Variants in CFAP299 observed in about 807,000 individuals in gnomAD.
CFAP299 encodes the protein cilia- and flagella-associated protein 299.
CFAP299 carries 21 observed loss-of-function variants against 27.0 expected under a neutral mutation model. The observed-to-expected ratio is 0.78, with a 90% CI of 0.55 to 1.12. The LOEUF (loss-of-function observed/expected upper bound fraction) is 1.12, where lower values mean the gene tolerates loss of function less well. CFAP299 is among the 50% of genes most tolerant of loss of function. The probability of loss-of-function intolerance (pLI) is 0.00; values close to 1 mark genes in which losing one functional copy is unlikely to be tolerated. For synonymous variants in CFAP299, 104 were observed against 98.1 expected, an observed-to-expected ratio of 1.06 and a Z score of -0.36; for missense variants, 310 against 276.6, an observed-to-expected ratio of 1.12 and a Z score of -0.86.
intron 3 of CFAP299, among the ~76,000 whole-genome samples, chr4:80,624,912 G>A (rs1356322720): frequency 2.6e-5 from 4 of 152,036 alleles, no homozygotes; most frequent in Admixed American, 6.5e-5. Context: ...AAATGAAGGA[G>A]GAATAAAGAC....
chr4:80,755,799 A>T (rs993951148), intron 3 of CFAP299, among the ~76,000 whole-genome samples: 1 of 152,128 alleles, frequency 6.6e-6, no homozygotes, highest in African/African-American at 2.4e-5. Flanking sequence ...AATAAAAGTG[A>T]TTCTGGCATA....
intron 3 of CFAP299, among the ~76,000 whole-genome samples, chr4:80,795,007 T>C (rs1727771375): frequency 6.6e-6 from 1 of 152,098 alleles, no homozygotes; most frequent in Non-Finnish European, 1.5e-5. Context: ...CCTGCCACCA[T>C]GGCCACTTTG....
At chr4:80,865,547 T>C (rs1181820161) in intron 3 of CFAP299, among the ~76,000 whole-genome samples, 1 of 152,196 alleles carries the variant, frequency 6.6e-6, no homozygotes, top group Non-Finnish European at 1.5e-5. Flanking sequence ...TTCCTGACAA[T>C]TTGTCAGCAA....
Position 80,902,586 on chromosome 4 carries a change from T to TATATATAC in CFAP299, c.476+32452_476+32453insTATATACA, listed in dbSNP as rs370673737. On this transcript the variant is annotated intron_variant, in intron 4 of 5. Coordinates refer to ENST00000358105, the MANE Select transcript of CFAP299 (RefSeq NM_152770.3). The stretch of plus-strand genomic sequence containing the variant: ...ATTTTATCCATATATATGTAATATA[T>TATATATAC]ACACACACACACACACACACACACA... Among the ~76,000 whole-genome samples, 297 of 126,692 alleles carry TATATATAC rather than the reference T, an allele frequency of 2.3e-3. 2 individuals carry two copies. Among genetic ancestry groups the TATATATAC allele is most frequent in the African/African-American group, 7.8e-3 (263 of 33,742 alleles). The allele number at this position is 126,692 out of a possible 152,430, so 83.1% of individuals were successfully genotyped here. A position where few individuals can be genotyped will look rare whatever the true frequency, so the allele number is the denominator to read the frequency against.
chr4:80,827,328 T>C (rs1311424722), intron 3 of CFAP299, among the ~76,000 whole-genome samples: 15 of 151,820 alleles, frequency 9.9e-5, no homozygotes, highest in Admixed American at 9.9e-4. Context: ...AGAAAACTGA[T>C]TTTAACAGCA....
At chr4:80,458,860 A>G (rs1056667769) in intron 2 of CFAP299, among the ~76,000 whole-genome samples, 1 of 152,178 alleles carries the variant, frequency 6.6e-6, no homozygotes, top group African/African-American at 2.4e-5. Flanking sequence ...CTGTTCATCT[A>G]TGGCACTGAG....
At chr4:80,872,921 CTT>C (rs869188460) in intron 4 of CFAP299, 65 of 659,550 alleles carry the variant, frequency 9.9e-5, no homozygotes, top group Non-Finnish European at 9.9e-5. Flanking sequence ...AGTTCTTCTT[CTT>C]TTTTTTTTTT....
intron 5 of CFAP299, among the ~76,000 whole-genome samples, chr4:80,953,931 C>A (rs1737916841): frequency 6.6e-6 from 1 of 152,178 alleles, no homozygotes; most frequent in African/African-American, 2.4e-5. Context: ...CAAGAGCAAC[C>A]TAATCAAACA....
At chr4:80,376,360 A>C (rs74582406) in intron 2 of CFAP299, among the ~76,000 whole-genome samples, 23,475 of 152,222 alleles carry the variant, frequency 0.15, 1,997 homozygotes, top group East Asian at 0.25. Flanking sequence ...TTTTCCAAAT[A>C]AACTTCCTGT....
chr4:80,462,134 T>C (rs1183206058), intron 2 of CFAP299, among the ~76,000 whole-genome samples: 2 of 152,190 alleles, frequency 1.3e-5, no homozygotes, highest in African/African-American at 4.8e-5. Context: ...CAAATGGGCA[T>C]TCAAAACCAT....
At chr4:80,329,618 G>A in the CFAP299 span, among the ~76,000 whole-genome samples, 1,490 of 152,240 alleles carry the variant, frequency 9.8e-3, 29 homozygotes, top group African/African-American at 0.033. Flanking sequence ...GTAGAGCTGA[G>A]CATGAGTTGA....
chr4:80,873,765 C>T (rs1049045221), intron 4 of CFAP299, among the ~76,000 whole-genome samples: 1 of 152,188 alleles, frequency 6.6e-6, no homozygotes, highest in African/African-American at 2.4e-5. Context: ...TATTTGCATA[C>T]ATTTCCATGT....
rs70956081 is a variant in CFAP299, at chr4:80,937,312, C to CTTTTTTTTTTTTT, written c.477-7488_477-7476dup. Among the ~76,000 whole-genome samples, 112 of 68,656 alleles carry CTTTTTTTTTTTTT rather than the reference C, an allele frequency of 1.6e-3. 1 individual carries two copies. The highest frequency in any genetic ancestry group is 3.5e-3 in the African/African-American group (54 of 15,268). 45.0% of individuals were successfully genotyped at this position (68,656 alleles called of 152,430 possible). The stretch of plus-strand genomic sequence containing the variant: ...TTTTCTTTTTTCTTTTTTTTTCTTT[C>CTTTTTTTTTTTTT]TTTTTTTTTTTTTTTTTTTTTTGAG... On this transcript the variant is annotated intron_variant, in intron 4 of 5. Coordinates refer to ENST00000358105, the MANE Select transcript of CFAP299 (RefSeq NM_152770.3).
At chr4:80,501,248 T>G (rs1299353682) in intron 2 of CFAP299, among the ~76,000 whole-genome samples, 1 of 151,902 alleles carries the variant, frequency 6.6e-6, no homozygotes, top group East Asian at 1.9e-4. Context: ...TTATTTTAAA[T>G]GATTGGAAAC....
chr4:80,620,796 A>T (rs1190687431), intron 3 of CFAP299, among the ~76,000 whole-genome samples: 3 of 152,148 alleles, frequency 2.0e-5, no homozygotes, highest in African/African-American at 4.8e-5. Flanking sequence ...AAATTCTGGC[A>T]TCTCTGTCTG....
intron 3 of CFAP299, among the ~76,000 whole-genome samples, chr4:80,832,471 T>A (rs975856614): frequency 6.6e-6 from 1 of 152,196 alleles, no homozygotes; most frequent in Non-Finnish European, 1.5e-5. Flanking sequence ...ACAATACCAT[T>A]AATTTAGTTC....
intron 3 of CFAP299, among the ~76,000 whole-genome samples, chr4:80,731,354 G>A (rs962957167): frequency 2.0e-5 from 3 of 152,068 alleles, no homozygotes; most frequent in Non-Finnish European, 4.4e-5. Context: ...TTTAAAAAAT[G>A]CCCCTTGGCA....
At chr4:80,915,668 T>G (rs1735708093) in intron 4 of CFAP299, among the ~76,000 whole-genome samples, 2 of 152,094 alleles carry the variant, frequency 1.3e-5, no homozygotes, top group Non-Finnish European at 2.9e-5. Flanking sequence ...CAATTACACA[T>G]GTTATCCTAC....
intron 4 of CFAP299, among the ~76,000 whole-genome samples, chr4:80,894,293 C>T (rs1734501664): frequency 6.6e-6 from 1 of 151,804 alleles, no homozygotes; most frequent in Non-Finnish European, 1.5e-5. Flanking sequence ...TTCTTTGTTC[C>T]CCCCAGAGAT....
Sources: gnomAD v4.1 joint callset for allele counts (sites outside exome capture counted in the v4.1 genomes callset) on GRCh38, gnomAD v4.1.1 for gene constraint, MANE v1.5 for transcripts, NCBI Gene and HGNC (gene_info 2026-07-23, HGNC 2026-07-21) for gene names.